DLGAP2: variants seen among roughly 807,000 people sequenced by gnomAD.
The protein encoded by DLGAP2 is disks large-associated protein 2.
A neutral mutation model predicts 100.3 loss-of-function variants in DLGAP2; 26 were observed. That is an observed-to-expected ratio of 0.26 (90% CI 0.19 to 0.36). The LOEUF is 0.36. Ranked by LOEUF, DLGAP2 falls within the 10% of genes least tolerant of loss-of-function variation. The pLI is 1.00. For missense variants in DLGAP2, 1,858 were observed against 1,453.2 expected, an observed-to-expected ratio of 1.28 and a Z score of -4.53; for synonymous variants, 886 against 630.1, an observed-to-expected ratio of 1.41 and a Z score of -6.08.
chr8:1,140,297 C>A (rs1199986559), intron 2 of DLGAP2, among the ~76,000 whole-genome samples: 1 of 142,284 alleles, frequency 7.0e-6, no homozygotes, highest in East Asian at 2.4e-4. Flanking sequence ...TTGGGAGGCT[C>A]TGGATGGTCC....
At chr8:1,209,185 C>T (rs1377562016) in intron 2 of DLGAP2, among the ~76,000 whole-genome samples, 1 of 152,004 alleles carries the variant, frequency 6.6e-6, no homozygotes, top group East Asian at 1.9e-4. Context: ...AAAGAGCCTG[C>T]ATAGCCAAAG....
intron 3 of DLGAP2, among the ~76,000 whole-genome samples, chr8:1,320,057 TGAG>T (rs956326227): frequency 1.3e-5 from 2 of 151,882 alleles, no homozygotes; most frequent in African/African-American, 4.8e-5. Flanking sequence ...CCCAGGGAGT[TGAG>T]GAACTCGGGA....
chr8:1,199,156 G>A (rs1279892159), intron 2 of DLGAP2, among the ~76,000 whole-genome samples: 1 of 152,242 alleles, frequency 6.6e-6, no homozygotes, highest in Non-Finnish European at 1.5e-5. Context: ...ACAGTCGTCT[G>A]AATTACTGAA....
At chr8:1,178,867 A>G (rs867736332) in intron 2 of DLGAP2, among the ~76,000 whole-genome samples, 1 of 152,142 alleles carries the variant, frequency 6.6e-6, no homozygotes, top group Non-Finnish European at 1.5e-5. Context: ...TTCAGCTGCA[A>G]CTGCTCTTTC....
intron 2 of DLGAP2, among the ~76,000 whole-genome samples, chr8:1,041,114 C>T (rs1802334950): frequency 1.3e-5 from 2 of 152,166 alleles, no homozygotes; most frequent in South Asian, 2.1e-4. Context: ...TATCTGTCCT[C>T]GGCAATGGAT....
Position 1,678,526 on chromosome 8 carries a change from T to A in DLGAP2, c.2601T>A (p.Asp867Glu). ...GGAGGATGTCTCCGTGCCGCAGGGA[T>A]GGCTCGTGGTTTTTGAAGCTGCTGC... ...ETGRMSPCRR[D>E]GSWFLKLLHA... The change falls in exon 12 of 15, where the codon GAT (aspartate) becomes GAA (glutamate). Residue 867 changes from aspartate (D) to glutamate (E), a missense_variant. Transcript: ENST00000637795. The A allele has an allele frequency of 2.5e-6, 4 of 1,604,228 alleles. No homozygotes were observed. The highest frequency in any genetic ancestry group is 3.4e-6 in the Non-Finnish European group (4 of 1,175,510).
rs1422834776 is a variant in DLGAP2, at chr8:1,135,515, T to TTTG, written c.74-123334_74-123333insGTT. ...GGTTTTTTTGTGGGTTTTTTTTTTT[T>TTTG]TTTTTTTTTTTTGTCCATATCTTAA... On this transcript the variant is annotated intron_variant, in intron 2 of 14. Transcript: ENST00000637795. 1.3e-4 allele frequency among the ~76,000 whole-genome samples: 18 copies of TTTG among 138,534 alleles called. 1 individual carries two copies. The highest frequency in any genetic ancestry group is 1.8e-4 in the Non-Finnish European group (12 of 65,378). The allele number at this position is 138,534 out of a possible 152,430, so 90.9% of individuals were successfully genotyped here.
intron 4 of DLGAP2, among the ~76,000 whole-genome samples, chr8:1,548,336 G>A (rs1172060584): frequency 6.6e-6 from 1 of 151,274 alleles, no homozygotes; most frequent in Non-Finnish European, 1.5e-5. Context: ...GCAGGCGCCT[G>A]TAGTCCCAGC....
intron 2 of DLGAP2, among the ~76,000 whole-genome samples, chr8:1,171,547 C>T (rs11778146): frequency 0.37 from 55,650 of 151,640 alleles, 12,003 homozygotes; most frequent in Non-Finnish European, 0.48. Flanking sequence ...TCAGGACTTG[C>T]TTTATGAATC....
chr8:1,574,258 G>C (rs1802873746), intron 6 of DLGAP2, among the ~76,000 whole-genome samples: 1 of 152,102 alleles, frequency 6.6e-6, no homozygotes, highest in Admixed American at 6.5e-5. Flanking sequence ...TTAGTGTATG[G>C]GGGGTAACGT....
intron 5 of DLGAP2, among the ~76,000 whole-genome samples, chr8:1,554,765 C>T (rs1801900319): frequency 6.6e-6 from 1 of 150,990 alleles, no homozygotes; most frequent in African/African-American, 2.4e-5. Context: ...GACCCACGCG[C>T]CCCAGCCCCC....
At chr8:998,518 A>G (rs1800852989) in intron 2 of DLGAP2, among the ~76,000 whole-genome samples, 1 of 147,728 alleles carries the variant, frequency 6.8e-6, no homozygotes, top group African/African-American at 2.5e-5. Context: ...ACCCAGGTTG[A>G]TCTTGAATTC....
chr8:1,078,972 A>C (rs1803711770), intron 2 of DLGAP2, among the ~76,000 whole-genome samples: 1 of 152,200 alleles, frequency 6.6e-6, no homozygotes, highest in South Asian at 2.1e-4. Context: ...TTTATAAGAA[A>C]CTGCCAAATG....
At chr8:1,182,465 G>T (rs1797410820) in intron 2 of DLGAP2, among the ~76,000 whole-genome samples, 1 of 152,184 alleles carries the variant, frequency 6.6e-6, no homozygotes, top group South Asian at 2.1e-4. Context: ...GTGGGTTGCT[G>T]AATTCTCGTA....
chr8:1,293,825 ATTTC>A (rs1157787385), intron 3 of DLGAP2, among the ~76,000 whole-genome samples: 1 of 148,654 alleles, frequency 6.7e-6, no homozygotes, highest in Non-Finnish European at 1.5e-5. Context: ...TATTGTTAGT[ATTTC>A]TTTCTATCTG....
chr8:979,350 C>G (rs1800263894), intron 2 of DLGAP2, among the ~76,000 whole-genome samples: 1 of 152,204 alleles, frequency 6.6e-6, no homozygotes, highest in Non-Finnish European at 1.5e-5. Flanking sequence ...ATCCACCCCA[C>G]AAGGGAGAAA....
intron 6 of DLGAP2, among the ~76,000 whole-genome samples, chr8:1,615,137 C>T (rs934729501): frequency 6.6e-6 from 1 of 152,152 alleles, no homozygotes; most frequent in South Asian, 2.1e-4. Flanking sequence ...AGGGAGACCC[C>T]AAAGTCTATT....
chr8:942,002 C>CT (rs957867716), intron 2 of DLGAP2, among the ~76,000 whole-genome samples: 7 of 152,168 alleles, frequency 4.6e-5, no homozygotes, highest in South Asian at 4.2e-4. Flanking sequence ...AAAAAATGGT[C>CT]TTTTTTTGTA....
intron 2 of DLGAP2, among the ~76,000 whole-genome samples, chr8:1,069,910 C>A (rs1424132554): frequency 1.3e-5 from 2 of 152,138 alleles, no homozygotes; most frequent in Non-Finnish European, 1.5e-5. Flanking sequence ...CTCCCGTCCT[C>A]CTTTTGCCAG....
Sources: allele counts gnomAD v4.1 joint callset (sites outside exome capture counted in the v4.1 genomes callset), GRCh38; gene constraint gnomAD v4.1.1; transcripts MANE v1.5; gene names NCBI Gene and HGNC (gene_info 2026-07-23, HGNC 2026-07-21).